PPFIBP2: variants seen among roughly 807,000 people sequenced by gnomAD.
PPFIBP2 encodes liprin-beta-2.
A neutral mutation model predicts 118.3 loss-of-function variants in PPFIBP2; 118 were observed. The observed-to-expected ratio is 1.00, with a 90% confidence interval of 0.86 to 1.16. The LOEUF (loss-of-function observed/expected upper bound fraction) is 1.16. Among genes scored for constraint, PPFIBP2 ranks in the 50% most tolerant of loss-of-function variants. The pLI, the probability that PPFIBP2 is intolerant of heterozygous loss-of-function variation, is 0.00. For synonymous variants in PPFIBP2, 414 were observed against 397.4 expected (o/e 1.04, Z -0.50); for missense variants, 1,195 against 1,073.1 (o/e 1.11, Z -1.59).
At chr11:7,545,429 CAAACAA>C (rs1184602847) in intron 1 of PPFIBP2, among the ~76,000 whole-genome samples, 16 of 152,258 alleles carry the variant, frequency 1.1e-4, no homozygotes, top group Middle Eastern at 6.8e-3. Flanking sequence ...GACCCTGTCT[CAAACAA>C]AAACAAAAAC....
intron 17 of PPFIBP2, among the ~76,000 whole-genome samples, chr11:7,646,433 T>C (rs1007432566): frequency 6.6e-6 from 1 of 152,242 alleles, no homozygotes; most frequent in African/African-American, 2.4e-5. Context: ...TTAACTATTG[T>C]CATAGAAGAT....
At chr11:7,651,326 A>T in intron 22 of PPFIBP2, 1 of 354,552 alleles carries the variant, frequency 2.8e-6, no homozygotes, top group Admixed American at 4.2e-5. Context: ...CACTACTCAG[A>T]TCTGTCAGTG....
chr11:7,580,396 G>A (rs558721740), intron 3 of PPFIBP2, among the ~76,000 whole-genome samples: 49 of 152,312 alleles, frequency 3.2e-4, no homozygotes, highest in African/African-American at 9.4e-4. Flanking sequence ...AAACACTATC[G>A]TCTTCATTCT....
chr11:7,618,686 GA>G (rs1416050355), intron 6 of PPFIBP2, among the ~76,000 whole-genome samples: 1 of 152,148 alleles, frequency 6.6e-6, no homozygotes, highest in Non-Finnish European at 1.5e-5. Context: ...CCTTAGCTGA[GA>G]AGTTTTCTTT....
intron 22 of PPFIBP2, 22 bp downstream of exon 22, chr11:7,650,987 C>G (rs1565129138): frequency 1.2e-6 from 2 of 1,607,728 alleles, no homozygotes; most frequent in Non-Finnish European, 8.5e-7. Flanking sequence ...TCTGGCCTAG[C>G]CCACCTGCCT....
At chr11:7,594,238 A>T (rs968100467) in intron 4 of PPFIBP2, among the ~76,000 whole-genome samples, 3 of 152,144 alleles carry the variant, frequency 2.0e-5, no homozygotes, top group African/African-American at 7.2e-5. Context: ...AAATGTGAAG[A>T]AGCAGGTTAA....
At chr11:7,587,945 G>A (rs923894387) in intron 3 of PPFIBP2, among the ~76,000 whole-genome samples, 1 of 152,176 alleles carries the variant, frequency 6.6e-6, no homozygotes, top group Non-Finnish European at 1.5e-5. Flanking sequence ...ACTGATACAA[G>A]TCTTCTCTGT....
At chr11:7,609,795 T>G (rs919411642) in intron 5 of PPFIBP2, among the ~76,000 whole-genome samples, 6 of 152,212 alleles carry the variant, frequency 3.9e-5, no homozygotes, top group African/African-American at 1.4e-4. Flanking sequence ...GCACATCTAC[T>G]TTGTGTTCTA....
chr11:7,554,222 T>C (rs909521395), intron 2 of PPFIBP2, among the ~76,000 whole-genome samples: 1 of 151,416 alleles, frequency 6.6e-6, no homozygotes, highest in African/African-American at 2.4e-5. Context: ...TTTCTCACAG[T>C]TACCACGTAT....
At chr11:7,592,597 A>G (rs1328740964) in intron 3 of PPFIBP2, among the ~76,000 whole-genome samples, 1 of 152,156 alleles carries the variant, frequency 6.6e-6, no homozygotes, top group East Asian at 1.9e-4. Flanking sequence ...AGGGCCTTGT[A>G]GTTGACATCC....
intron 17 of PPFIBP2, chr11:7,647,984 C>G (rs1401904263): frequency 6.5e-6 from 1 of 153,814 alleles, no homozygotes; most frequent in African/African-American, 2.4e-5. Flanking sequence ...AGAGAACTGA[C>G]CCTCTTAAAT....
chr11:7,547,265 G>T (rs1161402157), intron 1 of PPFIBP2, among the ~76,000 whole-genome samples: 2 of 152,190 alleles, frequency 1.3e-5, no homozygotes, highest in Non-Finnish European at 2.9e-5. Flanking sequence ...GTGAGCTCAG[G>T]GTAGGGGGAT....
intron 1 of PPFIBP2, among the ~76,000 whole-genome samples, chr11:7,534,598 C>T (rs1448241368): frequency 6.6e-6 from 1 of 152,138 alleles, no homozygotes; most frequent in Non-Finnish European, 1.5e-5. Context: ...ACATTGCCAA[C>T]CGGGTCCTGT....
chr11:7,664,974 T>G, the PPFIBP2 span: 1 of 158,032 alleles, frequency 6.3e-6, no homozygotes, highest in South Asian at 1.9e-4. Flanking sequence ...CCACTTGGAG[T>G]TTTTTAGGAA....
chr11:7,631,179 A>T (rs1850713654), intron 11 of PPFIBP2, 151 bp downstream of exon 11: 3 of 634,126 alleles, frequency 4.7e-6, no homozygotes, highest in South Asian at 1.8e-5. Context: ...TGTGATGGGG[A>T]TGGGCGAGCA....
At position 7,653,465 on chromosome 11, in the gene PPFIBP2, T is replaced by G. The variant is rs1372964930; in HGVS notation, c.*247T>G. 1 of 1,487,950 alleles carries G rather than the reference T, an allele frequency of 6.7e-7. No individual in the cohort carries two copies. Among genetic ancestry groups the G allele is most frequent in the East Asian group, 2.7e-5 (1 of 36,702 alleles). 92.2% of individuals were successfully genotyped at this position (1,487,950 alleles called of 1,614,324 possible). ...CAGGAGGAAAGACACTTAAAGACAC[T>G]TTTACATGTCTAGTAATTCTTGATG... On this transcript the variant is annotated 3_prime_UTR_variant, in exon 24 of 24. Coordinates refer to ENST00000299492, the MANE Select transcript of PPFIBP2 (RefSeq NM_003621.5).
At chr11:7,580,615 T>A (rs1006731110) in intron 3 of PPFIBP2, among the ~76,000 whole-genome samples, 4 of 152,148 alleles carry the variant, frequency 2.6e-5, no homozygotes, top group Admixed American at 2.6e-4. Flanking sequence ...ATACTATTAA[T>A]ATTACAGTTA....
chr11:7,656,858 T>G, downstream of PPFIBP2: 1 of 1,224,240 alleles, frequency 8.2e-7, no homozygotes, highest in South Asian at 1.3e-5. Context: ...CCTTTGCTTC[T>G]GTGGGGAGCG....
intron 1 of PPFIBP2, among the ~76,000 whole-genome samples, chr11:7,523,249 C>T (rs113511142): frequency 9.3e-4 from 141 of 152,318 alleles, no homozygotes; most frequent in African/African-American, 3.2e-3. Context: ...AGCCAGGCTC[C>T]TCAGCCTCCA....
Sources: gnomAD v4.1 joint callset for allele counts (sites outside exome capture counted in the v4.1 genomes callset) on GRCh38, gnomAD v4.1.1 for gene constraint, MANE v1.5 for transcripts, NCBI Gene and HGNC (gene_info 2026-07-23, HGNC 2026-07-21) for gene names.